The following NFATC1 variants were observed in gnomAD, a reference collection of about 807,000 sequenced individuals.
The protein encoded by NFATC1 is nuclear factor of activated T cells 1.
Under a neutral mutation model 76.0 loss-of-function variants are expected in NFATC1, and 22 were observed. The observed-to-expected ratio is 0.29, with a 90% confidence interval of 0.21 to 0.41. NFATC1 has a LOEUF of 0.41. NFATC1 is among the 10% of genes least tolerant of loss of function. NFATC1 has a pLI of 1.00. For missense variants in NFATC1, 1,357 were observed against 1,337.7 expected, an observed-to-expected ratio of 1.01 and a Z score of -0.23; for synonymous variants, 704 against 613.1, an observed-to-expected ratio of 1.15 and a Z score of -2.19.
intron 9 of NFATC1, chr18:79,516,203 G>A (rs1010782335): frequency 1.7e-4 from 26 of 152,294 alleles, no homozygotes; most frequent in African/African-American, 5.1e-4. Flanking sequence ...ACCACCAGCT[G>A]CGTCCAGATG....
chr18:79,431,382 A>T (rs779908258), intron 2 of NFATC1, among the ~76,000 whole-genome samples: 2 of 152,074 alleles, frequency 1.3e-5, no homozygotes, highest in African/African-American at 2.4e-5. Flanking sequence ...TTTGAGACAG[A>T]GTCTTGCCCT....
At chr18:79,476,520 T>G (rs2089077256) in intron 8 of NFATC1, among the ~76,000 whole-genome samples, 1 of 152,244 alleles carries the variant, frequency 6.6e-6, no homozygotes, top group Non-Finnish European at 1.5e-5. Context: ...AGGCCCCACT[T>G]GCGCTTCCCC....
intron 9 of NFATC1, among the ~76,000 whole-genome samples, chr18:79,517,312 G>A (rs1051082160): frequency 1.3e-5 from 2 of 152,246 alleles, no homozygotes; most frequent in African/African-American, 4.8e-5. Flanking sequence ...TAGGAATGGA[G>A]GAGAATGTCT....
At chr18:79,406,622 G>A (rs139042600) in intron 1 of NFATC1, among the ~76,000 whole-genome samples, 80 of 152,334 alleles carry the variant, frequency 5.3e-4, no homozygotes, top group East Asian at 3.5e-3. Flanking sequence ...TTCCTGGGCC[G>A]GTGTATGTAA....
chr18:79,500,603 A>G (rs964400280), intron 9 of NFATC1, among the ~76,000 whole-genome samples: 9 of 152,212 alleles, frequency 5.9e-5, no homozygotes, highest in African/African-American at 2.2e-4. Context: ...GTTATTTGAA[A>G]AAACAACAAA....
In NFATC1 at chr18:79,504,629, G is replaced by A. The variant is rs147437860; in HGVS notation, c.2782+17692G>A. ...GATATGAAGTGGGCACCTGCTGTTG[G>A]AAACGTGGTGCCCACAGACATGCCT... On this transcript the variant is annotated intron_variant, in intron 9 of 9. Transcript: ENST00000427363. Among the ~76,000 whole-genome samples the A allele has an allele frequency of 2.3e-3, 345 of 152,376 alleles. 7 individuals carry two copies. The highest frequency in any genetic ancestry group is 0.018 in the East Asian group (95 of 5,180).
intron 9 of NFATC1, among the ~76,000 whole-genome samples, chr18:79,503,075 C>G (rs1307910137): frequency 2.0e-5 from 3 of 152,212 alleles, no homozygotes; most frequent in Non-Finnish European, 2.9e-5. Flanking sequence ...CAATGCCCAG[C>G]ATGTGGGGAA....
chr18:79,487,229 G>A (rs2089533582), intron 9 of NFATC1, among the ~76,000 whole-genome samples: 1 of 152,234 alleles, frequency 6.6e-6, no homozygotes, highest in Non-Finnish European at 1.5e-5. Context: ...GGCTCACATT[G>A]GTGTCCAGGT....
intron 1 of NFATC1, among the ~76,000 whole-genome samples, chr18:79,401,234 C>T (rs1276278932): frequency 6.6e-6 from 1 of 151,660 alleles, no homozygotes; most frequent in African/African-American, 2.4e-5. Context: ...TGTCTGTGCC[C>T]ATTCTCAAGG....
At chr18:79,481,899 C>T (rs574918953) in intron 8 of NFATC1, among the ~76,000 whole-genome samples, 2 of 146,956 alleles carry the variant, frequency 1.4e-5, no homozygotes, top group African/African-American at 2.6e-5. Flanking sequence ...TCCAGCGTGA[C>T]CTGGTCCTGG....
chr18:79,480,383 C>G (rs1474931797), intron 8 of NFATC1, among the ~76,000 whole-genome samples: 3 of 152,036 alleles, frequency 2.0e-5, no homozygotes, highest in Admixed American at 6.5e-5. Flanking sequence ...GTCCACTGGG[C>G]CTTCTGCTTG....
chr18:79,514,040 G>A (rs1347975644), intron 9 of NFATC1, among the ~76,000 whole-genome samples: 12 of 152,304 alleles, frequency 7.9e-5, no homozygotes, highest in Admixed American at 5.2e-4. Flanking sequence ...CAGAGTGAGC[G>A]GAGTGGCAGG....
chr18:79,507,078 G>A (rs113100069), intron 9 of NFATC1, among the ~76,000 whole-genome samples: 23 of 152,336 alleles, frequency 1.5e-4, no homozygotes, highest in Admixed American at 3.3e-4. Flanking sequence ...TCTTTGTTCC[G>A]AAACGGAGCT....
At position 79,410,534 on chromosome 18, in the gene NFATC1, T is replaced by C. The variant is rs1235410352; in HGVS notation, c.259T>C (p.Ser87Pro). 5 of 1,611,444 alleles carry C rather than the reference T, an allele frequency of 3.1e-6. No individual in the cohort carries two copies. The Admixed American group carries it at 6.7e-5, about 21-fold the overall frequency. ...CATCATCCCGCCGGCGGATCACCCC[T>C]CGGGGTACGGAGCAGCTTTGGACGG... Reference protein sequence around the residue: ...PGIIPPADHPSGYGAALDGGP... With the variant: ...PGIIPPADHPPGYGAALDGGP... The change falls in exon 2 of 10, where the codon TCG becomes CCG. Residue 87 changes from serine (S) to proline (P), a missense_variant. Ser to Pro is a moderately conservative substitution (Grantham distance 74). Around this residue, in one of 3 missense-constraint regions of NFATC1, gnomAD observed 691 missense variants for 613.1 expected, o/e 1.13. Transcript: ENST00000427363. The surrounding 1 kb of genome is among the most constrained non-coding windows in gnomAD (Gnocchi z 6.7).
intron 1 of NFATC1, among the ~76,000 whole-genome samples, chr18:79,405,394 A>G (rs529259179): frequency 8.7e-4 from 132 of 152,386 alleles, no homozygotes; most frequent in African/African-American, 3.1e-3. Flanking sequence ...GACATGAATC[A>G]GCCCAAGCGC....
At chr18:79,433,872 G>A in intron 3 of NFATC1, 134 bp downstream of exon 3, 3 of 1,083,410 alleles carry the variant, frequency 2.8e-6, no homozygotes, top group East Asian at 2.8e-5. Context: ...AGTCCCGGGC[G>A]GCTGCTCACC....
intron 1 of NFATC1, among the ~76,000 whole-genome samples, chr18:79,401,393 A>G (rs2085249926): frequency 6.6e-6 from 1 of 152,098 alleles, no homozygotes; most frequent in African/African-American, 2.4e-5. Flanking sequence ...TTTTGAAAAT[A>G]AGCGCTCCAA....
At position 79,410,258 on chromosome 18, in the gene NFATC1, G is replaced by C. The variant is rs2085616648; in HGVS notation, c.128-145G>C. ...CCAAGTCGCCCGGAGCTGTCCGGCA[G>C]CGTGGTCTCAGGGACGTTTGCTGAG... On this transcript the variant is annotated intron_variant, in intron 1 of 9. Coordinates refer to ENST00000427363, the MANE Select transcript of NFATC1 (RefSeq NM_001278669.2). This position sits in a 1 kb window ranked among gnomAD's most constrained non-coding sequence, Gnocchi z 6.7. 6 of 1,333,334 alleles carry C rather than the reference G, an allele frequency of 4.5e-6. No individual in the cohort carries two copies. The Admixed American group carries it at 8.5e-5, about 19-fold the overall frequency. The allele number at this position is 1,333,334 out of a possible 1,614,324, so 82.6% of individuals were successfully genotyped here. A position where few individuals can be genotyped will look rare whatever the true frequency, so the allele number is the denominator to read the frequency against.
chr18:79,476,803 C>G (rs1034837809), intron 8 of NFATC1, among the ~76,000 whole-genome samples: 1 of 152,242 alleles, frequency 6.6e-6, no homozygotes, highest in African/African-American at 2.4e-5. Context: ...CTCCACGGAG[C>G]TGCAGTTTCA....
Sources: gnomAD v4.1 joint callset for allele counts (sites outside exome capture counted in the v4.1 genomes callset) on GRCh38, gnomAD v4.1.1 for gene constraint, gnomAD v4.1.1 regional missense constraint, Gnocchi (gnomAD v3.1) non-coding constraint, MANE v1.5 for transcripts, NCBI Gene and HGNC (gene_info 2026-07-23, HGNC 2026-07-21) for gene names.